Variants in ITGB3BP observed in about 807,000 individuals in gnomAD.
ITGB3BP encodes centromere protein R.
Under a neutral mutation model 29.1 loss-of-function variants are expected in ITGB3BP, and 27 were observed. The observed-to-expected ratio is 0.93, with a 90% CI of 0.68 to 1.28. The LOEUF (loss-of-function observed/expected upper bound fraction) is 1.28. Ranked by LOEUF, ITGB3BP falls within the 50% of genes most tolerant of loss-of-function variation. The pLI, the probability that ITGB3BP is intolerant of heterozygous loss-of-function variation, is 0.00. For missense variants in ITGB3BP, 192 were observed against 200.2 expected (o/e 0.96, Z 0.25); for synonymous variants, 61 against 61.4 (o/e 0.99, Z 0.03).
intron 7 of ITGB3BP, among the ~76,000 whole-genome samples, chr1:63,450,834 C>T (rs1433774172): frequency 6.6e-6 from 1 of 151,916 alleles, no homozygotes; most frequent in Non-Finnish European, 1.5e-5. Context: ...TATTCATATA[C>T]TCTCATCAAG....
intron 2 of ITGB3BP, among the ~76,000 whole-genome samples, chr1:63,493,088 A>ACGCGAGCG: frequency 6.7e-6 from 1 of 148,848 alleles, no homozygotes; most frequent in South Asian, 2.1e-4. Context: ...ACACACACAC[A>ACGCGAGCG]CGCGCGCGCG....
At chr1:63,476,814 T>C (rs1273919609) in intron 4 of ITGB3BP, among the ~76,000 whole-genome samples, 2 of 152,238 alleles carry the variant, frequency 1.3e-5, no homozygotes, top group Non-Finnish European at 2.9e-5. Context: ...AATACAAGAT[T>C]ATCTGTAATT....
At chr1:63,494,902 A>G (rs186524043) in intron 2 of ITGB3BP, among the ~76,000 whole-genome samples, 204 of 152,314 alleles carry the variant, frequency 1.3e-3, no homozygotes, top group African/African-American at 3.8e-3. Context: ...TCCTGGGCTC[A>G]AGTGATCCTC....
chr1:63,469,921 G>A (rs1193117731), intron 4 of ITGB3BP, among the ~76,000 whole-genome samples: 10 of 152,178 alleles, frequency 6.6e-5, no homozygotes, highest in Non-Finnish European at 1.3e-4. Flanking sequence ...TGGGTTTACC[G>A]GAATGAGGGC....
intron 7 of ITGB3BP, among the ~76,000 whole-genome samples, chr1:63,452,452 G>A (rs1008950050): frequency 1.3e-5 from 2 of 152,086 alleles, no homozygotes; most frequent in African/African-American, 2.4e-5. Flanking sequence ...CAACTTAGGA[G>A]AGATTGAAAC....
At chr1:63,462,330 CTT>C (rs1557615777) in intron 4 of ITGB3BP, among the ~76,000 whole-genome samples, 1 of 152,130 alleles carries the variant, frequency 6.6e-6, no homozygotes, top group Non-Finnish European at 1.5e-5. Flanking sequence ...TACCCTGAAA[CTT>C]TTTTTGACTC....
chr1:63,449,263 A>G (rs2100481947), intron 7 of ITGB3BP: 1 of 152,634 alleles, frequency 6.6e-6, no homozygotes, highest in South Asian at 2.1e-4. Context: ...TGTTGTCATC[A>G]GCACATACTG....
At chr1:63,513,168 GA>G (rs1455177269) in intron 1 of ITGB3BP, among the ~76,000 whole-genome samples, 6 of 152,196 alleles carry the variant, frequency 3.9e-5, no homozygotes, top group African/African-American at 1.4e-4. Context: ...TAGTAAATAA[GA>G]AATCTTATAA....
chr1:63,487,403 A>G (rs1345335411), intron 3 of ITGB3BP, among the ~76,000 whole-genome samples: 1 of 152,100 alleles, frequency 6.6e-6, no homozygotes, highest in East Asian at 1.9e-4. Flanking sequence ...AAAATACATA[A>G]ATGATACATA....
chr1:63,526,064 G>A (rs894016925), upstream of ITGB3BP, among the ~76,000 whole-genome samples: 3 of 151,984 alleles, frequency 2.0e-5, no homozygotes, highest in Admixed American at 2.0e-4. Flanking sequence ...AAATTAAAAC[G>A]CTTTTGGCCT....
At chr1:63,473,397 C>T (rs1351351715) in intron 4 of ITGB3BP, among the ~76,000 whole-genome samples, 2 of 139,286 alleles carry the variant, frequency 1.4e-5, no homozygotes, top group Non-Finnish European at 3.1e-5. Flanking sequence ...AGGTGAGGGG[C>T]TCCTCTGCCC....
chr1:63,500,376 T>C (rs1645896899), intron 2 of ITGB3BP, among the ~76,000 whole-genome samples: 1 of 151,156 alleles, frequency 6.6e-6, no homozygotes, highest in African/African-American at 2.4e-5. Context: ...AGACTCTGTC[T>C]CAAAACAAAA....
chr1:63,464,572 A>C (rs1645069681), intron 4 of ITGB3BP, among the ~76,000 whole-genome samples: 1 of 152,192 alleles, frequency 6.6e-6, no homozygotes, highest in Non-Finnish European at 1.5e-5. Flanking sequence ...AATTATGACT[A>C]TGGCAATCAT....
At chr1:63,473,088 G>A (rs1172486277) in intron 4 of ITGB3BP, among the ~76,000 whole-genome samples, 2 of 151,434 alleles carry the variant, frequency 1.3e-5, no homozygotes, top group Admixed American at 1.3e-4. Flanking sequence ...CTGCCCGGCC[G>A]CCCATCGTCT....
At chr1:63,452,186 A>G (rs1365614937) in intron 7 of ITGB3BP, 3 of 152,144 alleles carry the variant, frequency 2.0e-5, no homozygotes, top group Non-Finnish European at 2.9e-5. Context: ...ATTTTAATGA[A>G]ATATAAATTA....
chr1:63,465,449 G>A (rs1327961192), intron 4 of ITGB3BP, among the ~76,000 whole-genome samples: 1 of 150,754 alleles, frequency 6.6e-6, no homozygotes, highest in Non-Finnish European at 1.5e-5. Flanking sequence ...TCTTGATAGG[G>A]TATTTTTCTG....
chr1:63,440,997 C>G lies in ITGB3BP; in HGVS notation c.*108G>C, dbSNP rs41285374. On this transcript the variant is annotated 3_prime_UTR_variant, in exon 9 of 9. Coordinates refer to ENST00000271002, the MANE Select transcript of ITGB3BP (RefSeq NM_014288.5). ...ACATGCACCTGCCAACTGCTACGAG[C>G]TGGTATTTACTGGGCAGATTAATTA... 2 of 152,624 alleles carry G rather than the reference C, an allele frequency of 1.3e-5. No individual in the cohort carries two copies. Among genetic ancestry groups the G allele is most frequent in the African/African-American group, 4.8e-5 (2 of 41,440 alleles). 9.5% of individuals were successfully genotyped at this position (152,624 alleles called of 1,614,324 possible).
chr1:63,487,782 T>TA (rs1645559923), intron 3 of ITGB3BP, among the ~76,000 whole-genome samples: 1 of 152,164 alleles, frequency 6.6e-6, no homozygotes, highest in Admixed American at 6.5e-5. Flanking sequence ...ATGTACTACA[T>TA]ATAATTGTAC....
At chr1:63,495,142 A>G (rs929954805) in intron 2 of ITGB3BP, among the ~76,000 whole-genome samples, 3 of 152,176 alleles carry the variant, frequency 2.0e-5, no homozygotes, top group Admixed American at 2.0e-4. Flanking sequence ...CTTTAGGCCT[A>G]TGATCCTTCT....
Sources: allele counts gnomAD v4.1 joint callset (sites outside exome capture counted in the v4.1 genomes callset), GRCh38; gene constraint gnomAD v4.1.1; transcripts MANE v1.5; gene names NCBI Gene and HGNC (gene_info 2026-07-23, HGNC 2026-07-21).